The following SLCO5A1 variants were observed in gnomAD, a reference collection of about 807,000 sequenced individuals.
SLCO5A1 encodes the protein organic anion transporter polypeptide-related protein 4.
SLCO5A1 carries 39 observed loss-of-function variants against 65.1 expected under a neutral mutation model. The ratio of observed to expected loss-of-function variants is 0.60; its 90% CI spans 0.46 to 0.78. The LOEUF (loss-of-function observed/expected upper bound fraction) is 0.78, where lower values mean the gene tolerates loss of function less well. SLCO5A1 is among the 30% of genes least tolerant of loss of function. The pLI, the probability that SLCO5A1 is intolerant of heterozygous loss-of-function variation, is 0.00. For synonymous variants in SLCO5A1, 438 were observed against 415.7 expected, an observed-to-expected ratio of 1.05 and a Z score of -0.65; for missense variants, 1,029 against 1,069.4, an observed-to-expected ratio of 0.96 and a Z score of 0.53.
intron 2 of SLCO5A1, among the ~76,000 whole-genome samples, chr8:69,793,443 C>CT (rs531970252): frequency 6.6e-6 from 1 of 151,700 alleles, no homozygotes; most frequent in Non-Finnish European, 1.5e-5. Flanking sequence ...TCCTTTGAGT[C>CT]TTTTTTTTCC....
At chr8:69,675,250 C>T (rs1488908773) in intron 9 of SLCO5A1, among the ~76,000 whole-genome samples, 1 of 151,120 alleles carries the variant, frequency 6.6e-6, no homozygotes, top group Non-Finnish European at 1.5e-5. Context: ...TCTCGGCTCA[C>T]TGCAACCTCC....
intron 2 of SLCO5A1, among the ~76,000 whole-genome samples, chr8:69,798,726 A>G (rs1819608493): frequency 6.6e-6 from 1 of 152,190 alleles, no homozygotes; most frequent in African/African-American, 2.4e-5. Flanking sequence ...CAGTCCAAAA[A>G]ATTATTACCA....
intron 4 of SLCO5A1, among the ~76,000 whole-genome samples, chr8:69,750,321 A>G (rs1283965517): frequency 6.6e-6 from 1 of 152,056 alleles, no homozygotes; most frequent in African/African-American, 2.4e-5. Context: ...AAACCTCTCC[A>G]CTGGGCTCTG....
chr8:69,772,676 C>G (rs907402115), intron 2 of SLCO5A1, among the ~76,000 whole-genome samples: 2 of 146,124 alleles, frequency 1.4e-5, no homozygotes, highest in Non-Finnish European at 3.0e-5. Flanking sequence ...TTCTGGAGCT[C>G]CTAACCGTGG....
At chr8:69,747,608 C>A (rs1008363558) in intron 4 of SLCO5A1, among the ~76,000 whole-genome samples, 2 of 152,124 alleles carry the variant, frequency 1.3e-5, no homozygotes, top group African/African-American at 4.8e-5. Flanking sequence ...AATACTGCAC[C>A]ATTTTTATAT....
intron 4 of SLCO5A1, among the ~76,000 whole-genome samples, chr8:69,755,220 A>T (rs1817489033): frequency 6.6e-6 from 1 of 152,216 alleles, no homozygotes. Flanking sequence ...CATACAAAAT[A>T]TAACCTTAAT....
intron 2 of SLCO5A1, among the ~76,000 whole-genome samples, chr8:69,798,495 A>AAG (rs1441970506): frequency 2.6e-5 from 4 of 152,136 alleles, no homozygotes. Flanking sequence ...ATGCAAGAGG[A>AAG]AGAGAGAGAG....
rs150389491 is a variant in SLCO5A1, at chr8:69,757,830, C to T, written c.1041-2189G>A. On this transcript the variant is annotated intron_variant, in intron 3 of 9. Transcript: ENST00000260126. The stretch of plus-strand genomic sequence containing the variant: ...CACTTGCCTCTGGAGCCTCTCTCCA[C>T]GAACTCTCCATTCCAGTCCCCTGAA... Among the ~76,000 whole-genome samples, 1,251 of 152,226 alleles carry T rather than the reference C, an allele frequency of 8.2e-3. 19 individuals are homozygous for T. The highest frequency in any genetic ancestry group is 0.029 in the African/African-American group (1,186 of 41,558).
At chr8:69,771,171 A>T (rs1350344322) in intron 2 of SLCO5A1, among the ~76,000 whole-genome samples, 2 of 151,978 alleles carry the variant, frequency 1.3e-5, no homozygotes, top group African/African-American at 4.8e-5. Context: ...TTCAGTAGAG[A>T]TGGGGTTCCA....
intron 3 of SLCO5A1, among the ~76,000 whole-genome samples, chr8:69,758,736 A>C (rs1817632393): frequency 6.6e-6 from 1 of 152,210 alleles, no homozygotes; most frequent in Non-Finnish European, 1.5e-5. Flanking sequence ...TCATATAATA[A>C]TGATGCTAAA....
In SLCO5A1 at chr8:69,738,296, G is replaced by A. The variant is rs990563552; in HGVS notation, c.1259-92C>T. Reference sequence around the variant, plus strand: ...TTGTTTTTGAAATGAACTGGAAATAGCCATTCAGCAACATTTGCCACCAAG... The same window carrying A: ...TTGTTTTTGAAATGAACTGGAAATAACCATTCAGCAACATTTGCCACCAAG... On this transcript the variant is annotated intron_variant, in intron 4 of 9. Transcript: ENST00000260126. The A allele has an allele frequency of 4.9e-6, 6 of 1,220,860 alleles. No homozygotes were observed. The South Asian group carries it at 8.0e-5, about 16-fold the overall frequency. 75.6% of individuals were successfully genotyped at this position (1,220,860 alleles called of 1,614,324 possible). A position where few individuals can be genotyped will look rare whatever the true frequency, so the allele number is the denominator to read the frequency against.
At chr8:69,677,046 G>C (rs1483767791) in intron 8 of SLCO5A1, among the ~76,000 whole-genome samples, 3 of 151,416 alleles carry the variant, frequency 2.0e-5, no homozygotes, top group Non-Finnish European at 2.9e-5. Context: ...TTTTGTTTTT[G>C]TTTTTGTTTT....
At position 69,670,801 on chromosome 8, in the gene SLCO5A1, T is replaced by C. The variant is rs1174061358; in HGVS notation, c.*2068A>G. On this transcript the variant is annotated 3_prime_UTR_variant, in exon 10 of 10. Transcript: ENST00000260126. ...AAATTCTCTCAATGCAGTATCTTAATGATCAGAAGAAAATTAAGAAAACAC... is the reference window on the plus strand; with the variant it reads ...AAATTCTCTCAATGCAGTATCTTAACGATCAGAAGAAAATTAAGAAAACAC... The C allele has an allele frequency of 1.3e-5, 2 of 152,196 alleles. No homozygotes were observed. Among genetic ancestry groups the C allele is most frequent in the African/African-American group, 2.4e-5 (1 of 41,442 alleles). 9.4% of individuals were successfully genotyped at this position (152,196 alleles called of 1,614,324 possible).
intron 4 of SLCO5A1, among the ~76,000 whole-genome samples, chr8:69,746,987 G>A (rs957340260): frequency 1.3e-5 from 2 of 152,102 alleles, no homozygotes; most frequent in Non-Finnish European, 2.9e-5. Flanking sequence ...CCAGGGTCAG[G>A]TACCAGACAA....
intron 2 of SLCO5A1, among the ~76,000 whole-genome samples, chr8:69,770,173 G>A (rs1273113269): frequency 6.6e-6 from 1 of 152,088 alleles, no homozygotes; most frequent in Admixed American, 6.5e-5. Flanking sequence ...CTCATCGGGT[G>A]GTTATCTTAT....
chr8:69,738,727 A>G (rs1374390581), intron 4 of SLCO5A1, among the ~76,000 whole-genome samples: 1 of 152,210 alleles, frequency 6.6e-6, no homozygotes, highest in Non-Finnish European at 1.5e-5. Flanking sequence ...TCACAGTTTA[A>G]AAAGCTAAAA....
intron 2 of SLCO5A1, among the ~76,000 whole-genome samples, chr8:69,792,487 T>C (rs987428713): frequency 2.0e-5 from 3 of 152,194 alleles, no homozygotes; most frequent in East Asian, 1.9e-4. Context: ...CAATGGGGAA[T>C]ATAAGGAGCC....
intron 2 of SLCO5A1, among the ~76,000 whole-genome samples, chr8:69,799,449 T>C (rs1819644831): frequency 6.6e-6 from 1 of 152,194 alleles, no homozygotes. Context: ...CTTATATTAA[T>C]TACAGTTTTC....
intron 4 of SLCO5A1, among the ~76,000 whole-genome samples, chr8:69,743,908 G>A (rs1295941255): frequency 6.6e-6 from 1 of 152,124 alleles, no homozygotes; most frequent in Non-Finnish European, 1.5e-5. Flanking sequence ...AATTAGGCAG[G>A]GAGTATGAAG....
Sources: gnomAD v4.1 joint callset for allele counts (sites outside exome capture counted in the v4.1 genomes callset) on GRCh38, gnomAD v4.1.1 for gene constraint, MANE v1.5 for transcripts, NCBI Gene and HGNC (gene_info 2026-07-23, HGNC 2026-07-21) for gene names.